Variants in FOSL2 observed in about 807,000 individuals in gnomAD.
The protein encoded by FOSL2 is fos-related antigen 2.
FOSL2 carries 3 observed loss-of-function variants against 27.7 expected under a neutral mutation model. The observed-to-expected ratio is 0.11, with a 90% CI of 0.05 to 0.28. The LOEUF (loss-of-function observed/expected upper bound fraction) is 0.28, where lower values mean the gene tolerates loss of function less well. Among genes scored for constraint, FOSL2 ranks in the 10% least tolerant of loss-of-function variants. FOSL2 has a pLI of 1.00. For missense variants in FOSL2, 333 were observed against 445.1 expected (o/e 0.75, Z 2.27); for synonymous variants, 179 against 190.1 (o/e 0.94, Z 0.48).
chr2:28,396,239 CT>C (rs1206159184), intron 1 of FOSL2, among the ~76,000 whole-genome samples: 9 of 151,120 alleles, frequency 6.0e-5, no homozygotes, highest in Admixed American at 1.3e-4. Context: ...TCCTCTCTAG[CT>C]TCATGAAGCT....
rs925666345 is a variant in FOSL2, at chr2:28,413,790, T to C, written c.*1342T>C. ...TCTGGCCCAGGCAGCAAGCAAGCTG[T>C]GAACAGCTGGCCTGAGCTGTCGCTG... On this transcript the variant is annotated 3_prime_UTR_variant, in exon 4 of 4. Transcript: ENST00000264716. The C allele has an allele frequency of 7.5e-6, 3 of 398,764 alleles. No individual in the cohort carries two copies. The highest frequency in any genetic ancestry group is 2.1e-5 in the African/African-American group (1 of 48,656). The allele number at this position is 398,764 out of a possible 1,614,324, so 24.7% of individuals were successfully genotyped here. A position where few individuals can be genotyped will look rare whatever the true frequency, so the allele number is the denominator to read the frequency against.
chr2:28,403,293 C>G (rs893577371), intron 1 of FOSL2, among the ~76,000 whole-genome samples: 1 of 152,172 alleles, frequency 6.6e-6, no homozygotes, highest in East Asian at 1.9e-4. Flanking sequence ...TTCCAGAGAG[C>G]TCTGCAACGT....
At chr2:28,400,288 G>T (rs973860322) in intron 1 of FOSL2, among the ~76,000 whole-genome samples, 1 of 152,284 alleles carries the variant, frequency 6.6e-6, no homozygotes, top group South Asian at 2.1e-4. Flanking sequence ...GTGTTAACTC[G>T]TCCGTAGAGA....
intron 1 of FOSL2, among the ~76,000 whole-genome samples, chr2:28,396,087 G>C (rs1663828371): frequency 6.6e-6 from 1 of 152,014 alleles, no homozygotes; most frequent in Non-Finnish European, 1.5e-5. Flanking sequence ...CTCTTTTATG[G>C]CATCTCAGTG....
intron 2 of FOSL2, among the ~76,000 whole-genome samples, chr2:28,405,042 C>T (rs1248198784): frequency 6.6e-6 from 1 of 152,078 alleles, no homozygotes; most frequent in Non-Finnish European, 1.5e-5. Context: ...ATTAACCTGG[C>T]TGGGGAGGGA....
intron 3 of FOSL2, among the ~76,000 whole-genome samples, chr2:28,409,127 A>G (rs1203405364): frequency 6.6e-6 from 1 of 152,168 alleles, no homozygotes; most frequent in East Asian, 1.9e-4. Flanking sequence ...GGTGCTAGCC[A>G]CGGTTTTTAC....
rs766121698 is a variant in FOSL2, at chr2:28,404,240, C to T, written c.236C>T (p.Ser79Leu). ...TCCATGTCCAACCCATACCCTCGCT[C>T]GCACCCCTACAGCCCCCTGCCGGGC... ...ITSMSNPYPRSHPYSPLPGLA... is the reference protein window; with the variant it reads ...ITSMSNPYPRLHPYSPLPGLA... Residue 79 changes from serine to leucine, a missense_variant, in exon 2 of 4, where the codon TCG becomes TTG. By Grantham distance (145) the Ser-to-Leu change is moderately radical (BLOSUM62 -2). This residue lies in a region of FOSL2 where 131 missense variants were observed against 157.9 expected (regional missense o/e 0.83). Coordinates refer to ENST00000264716, the MANE Select transcript of FOSL2 (RefSeq NM_005253.4). This position sits in a 1 kb window ranked among gnomAD's most constrained non-coding sequence, Gnocchi z 4.7. 4.6e-5 allele frequency: 75 copies of T among 1,614,092 alleles called. 1 individual carries two copies. The highest frequency in any genetic ancestry group is 3.3e-5 in the South Asian group (3 of 91,086).
chr2:28,412,115 G>A lies in FOSL2; in HGVS notation c.648G>A (p.Val216=), dbSNP rs1291991767. The A allele has an allele frequency of 1.9e-6, 3 of 1,605,314 alleles. No individual in the cohort carries two copies. Among genetic ancestry groups the A allele is most frequent in the Non-Finnish European group, 1.7e-6 (2 of 1,178,914 alleles). ...LQPMRSGGGS[V]GAVVVKQEPL... ...CCATGCGCAGTGGGGGTGGCTCGGT[G>A]GGCGCTGTAGTGGTGAAACAGGAGC... The change falls in exon 4 of 4, where the codon GTG becomes GTA. Residue 216 remains valine (V), a synonymous_variant. Transcript: ENST00000264716. This position sits in a 1 kb window ranked among gnomAD's most constrained non-coding sequence, Gnocchi z 7.1.
chr2:28,415,665 G>C lies in FOSL2; in HGVS notation c.*3217G>C, dbSNP rs1211693153. 1 of 152,094 alleles carries C rather than the reference G, an allele frequency of 6.6e-6. No individual in the cohort carries two copies. The highest frequency in any genetic ancestry group is 1.5e-5 in the Non-Finnish European group (1 of 68,026). The allele number at this position is 152,094 out of a possible 1,614,324, so 9.4% of individuals were successfully genotyped here. ...TTTCCTTTCCTGATCAGACATCTTT[G>C]TGCCCCCTTTAGGAAGGAAAAGAAT... On this transcript the variant is annotated 3_prime_UTR_variant, in exon 4 of 4. Coordinates refer to ENST00000264716, the MANE Select transcript of FOSL2 (RefSeq NM_005253.4).
chr2:28,414,130 G>C lies in FOSL2; in HGVS notation c.*1682G>C. 1 of 317,628 alleles carries C rather than the reference G, an allele frequency of 3.1e-6. No individual in the cohort carries two copies. Among genetic ancestry groups the C allele is most frequent in the Non-Finnish European group, 5.7e-6 (1 of 174,306 alleles). The allele number at this position is 317,628 out of a possible 1,614,324, so 19.7% of individuals were successfully genotyped here. ...TGCTCTGCAAAGACTCTGCTGCTGG[G>C]GATTCAGCTCTAGAGGTCACAGTAT... On this transcript the variant is annotated 3_prime_UTR_variant, in exon 4 of 4. Coordinates refer to ENST00000264716, the MANE Select transcript of FOSL2 (RefSeq NM_005253.4).
intron 1 of FOSL2, among the ~76,000 whole-genome samples, chr2:28,396,167 C>G (rs1663830164): frequency 6.6e-6 from 1 of 151,978 alleles, no homozygotes; most frequent in African/African-American, 2.4e-5. Context: ...TCAGCTCTCT[C>G]TTTTGGGGGT....
At chr2:28,411,751 G>T in intron 3 of FOSL2, 179 bp from the exon 4 acceptor site, 1 of 644,636 alleles carries the variant, frequency 1.6e-6, no homozygotes. Flanking sequence ...TTCCTTCTTT[G>T]GAAATGAAAG....
rs1316750469 is a variant in FOSL2 at position 28,414,211 on chromosome 2, C to T, written c.*1763C>T. 1 of 187,190 alleles carries T rather than the reference C, an allele frequency of 5.3e-6. No individual in the cohort carries two copies. The highest frequency in any genetic ancestry group is 1.1e-5 in the Non-Finnish European group (1 of 91,346). The allele number at this position is 187,190 out of a possible 1,614,324, so 11.6% of individuals were successfully genotyped here. ...TGGAGAAAGCAGTGACACATTCACA[C>T]AGCTGTTCCCTCGCATGTTATTTCA... On this transcript the variant is annotated 3_prime_UTR_variant, in exon 4 of 4. Transcript: ENST00000264716.
chr2:28,400,191 C>G (rs970314220), intron 1 of FOSL2, among the ~76,000 whole-genome samples: 2 of 152,166 alleles, frequency 1.3e-5, no homozygotes, highest in African/African-American at 2.4e-5. Flanking sequence ...GATCCCATCA[C>G]TCCCAGCACA....
intron 2 of FOSL2, among the ~76,000 whole-genome samples, chr2:28,406,327 G>A (rs1043709838): frequency 1.3e-5 from 2 of 152,166 alleles, no homozygotes; most frequent in African/African-American, 4.8e-5. Context: ...TTCTCAAAGT[G>A]TTGGGATTAC....
chr2:28,410,999 T>A (rs999872310), intron 3 of FOSL2, among the ~76,000 whole-genome samples: 2 of 151,816 alleles, frequency 1.3e-5, no homozygotes, highest in Non-Finnish European at 2.9e-5. Context: ...AAATACAAAA[T>A]TAGCCGGGTG....
chr2:28,399,243 A>T (rs1289931796), intron 1 of FOSL2, among the ~76,000 whole-genome samples: 5 of 152,166 alleles, frequency 3.3e-5, no homozygotes, highest in Non-Finnish European at 7.4e-5. Flanking sequence ...CCTGACTTCC[A>T]TCTCACATAC....
intron 1 of FOSL2, among the ~76,000 whole-genome samples, chr2:28,394,067 C>T (rs867525781): frequency 1.2e-3 from 184 of 150,536 alleles, no homozygotes; most frequent in Non-Finnish European, 2.2e-3. Flanking sequence ...AGATAGACTC[C>T]TGGAATTGTA....
chr2:28,411,728 C>T, intron 3 of FOSL2: 1 of 619,426 alleles, frequency 1.6e-6, no homozygotes, highest in Admixed American at 2.8e-5. Flanking sequence ...CTTACCCCCT[C>T]TCCAAGCTGA....
Sources: allele counts gnomAD v4.1 joint callset (sites outside exome capture counted in the v4.1 genomes callset), GRCh38; gene constraint gnomAD v4.1.1; regional missense constraint gnomAD v4.1.1; non-coding constraint Gnocchi (gnomAD v3.1); transcripts MANE v1.5; gene names NCBI Gene and HGNC (gene_info 2026-07-23, HGNC 2026-07-21).